Variants in PRKAR2B observed in about 807,000 individuals in gnomAD.
PRKAR2B encodes cAMP-dependent protein kinase type II-beta regulatory subunit.
Under a neutral mutation model 49.9 loss-of-function variants are expected in PRKAR2B, and 14 were observed. The ratio of observed to expected loss-of-function variants is 0.28; its 90% CI spans 0.19 to 0.44. The LOEUF is 0.44. PRKAR2B is among the 20% of genes least tolerant of loss of function. The pLI, the probability that PRKAR2B is intolerant of heterozygous loss-of-function variation, is 1.00. For synonymous variants in PRKAR2B, 196 were observed against 197.7 expected, an observed-to-expected ratio of 0.99 and a Z score of 0.07; for missense variants, 393 against 537.9, an observed-to-expected ratio of 0.73 and a Z score of 2.67.
At chr7:107,098,674 G>C (rs1794899141) in intron 2 of PRKAR2B, among the ~76,000 whole-genome samples, 1 of 152,124 alleles carries the variant, frequency 6.6e-6, no homozygotes, top group African/African-American at 2.4e-5. Context: ...TTTGATGATG[G>C]TGACGTACAA....
At chr7:107,074,309 G>A (rs987144151) in intron 2 of PRKAR2B, among the ~76,000 whole-genome samples, 1 of 151,532 alleles carries the variant, frequency 6.6e-6, no homozygotes, top group Non-Finnish European at 1.5e-5. Context: ...TCACCATGTT[G>A]GCCAGGCTGG....
chr7:107,150,785 T>C, intron 6 of PRKAR2B, 137 bp from the exon 7 acceptor site: 2 of 534,308 alleles, frequency 3.7e-6, no homozygotes, highest in South Asian at 2.7e-5. Context: ...AAATATGAAA[T>C]GAGTTGCATT....
At position 107,045,213 on chromosome 7, in the gene PRKAR2B, T is replaced by G. The variant is rs1219279254; in HGVS notation, c.306T>G (p.Asn102Lys). 4.1e-6 allele frequency: 6 copies of G among 1,449,008 alleles called. No homozygotes were observed. The highest frequency in any genetic ancestry group is 2.9e-5 in the African/African-American group (2 of 69,220). 89.8% of individuals were successfully genotyped at this position (1,449,008 alleles called of 1,614,324 possible). The change falls in exon 1 of 11, where the codon AAT (asparagine) becomes AAG (lysine). Residue 102 changes from asparagine (N) to lysine (K), a missense_variant and splice_region_variant. Coordinates refer to ENST00000265717, the MANE Select transcript of PRKAR2B (RefSeq NM_002736.3). ...CGCCCGCGGACGCAGGGGCGTTCAATGGTGAGGACCAGACCCCCCACTTCG... is the reference window on the plus strand; with the variant it reads ...CGCCCGCGGACGCAGGGGCGTTCAAGGGTGAGGACCAGACCCCCCACTTCG... ...EAAPADAGAF[N>K]APVINRFTRR...
chr7:107,074,260 T>A (rs565938707), intron 2 of PRKAR2B, among the ~76,000 whole-genome samples: 1 of 151,738 alleles, frequency 6.6e-6, no homozygotes, highest in South Asian at 2.1e-4. Flanking sequence ...TACGCCACCA[T>A]GCCTGGCTAA....
intron 2 of PRKAR2B, among the ~76,000 whole-genome samples, chr7:107,097,731 C>T (rs1318652415): frequency 6.6e-6 from 1 of 152,070 alleles, no homozygotes; most frequent in Non-Finnish European, 1.5e-5. Context: ...TCAGCATTTG[C>T]TTGTCTGTAA....
At chr7:107,128,404 G>T in intron 4 of PRKAR2B, 109 bp downstream of exon 4, 2 of 717,092 alleles carry the variant, frequency 2.8e-6, no homozygotes, top group East Asian at 5.4e-5. Context: ...GATCACCCTG[G>T]GGTGATGGTA....
chr7:107,060,245 G>A (rs1442208609), intron 1 of PRKAR2B, among the ~76,000 whole-genome samples: 2 of 152,152 alleles, frequency 1.3e-5, no homozygotes, highest in African/African-American at 2.4e-5. Flanking sequence ...TATAGGGTAT[G>A]TACCTAAGTG....
intron 2 of PRKAR2B, among the ~76,000 whole-genome samples, chr7:107,114,186 C>A (rs1379372298): frequency 6.6e-6 from 1 of 151,948 alleles, no homozygotes; most frequent in African/African-American, 2.4e-5. Context: ...CTCTTTGGAA[C>A]CCAAGAGTAG....
chr7:107,146,221 T>A, intron 5 of PRKAR2B, 87 bp from the exon 6 acceptor site: 1 of 1,372,718 alleles, frequency 7.3e-7, no homozygotes, highest in East Asian at 2.5e-5. Context: ...AATAAGATTT[T>A]TATTTCACAG....
At chr7:107,066,437 C>G (rs912090732) in intron 1 of PRKAR2B, among the ~76,000 whole-genome samples, 1 of 151,908 alleles carries the variant, frequency 6.6e-6, no homozygotes, top group Non-Finnish European at 1.5e-5. Flanking sequence ...CATCTGTTAA[C>G]ATTTTTTGGG....
rs1412824572 is a variant in PRKAR2B, at chr7:107,068,944, TTTTTG to T, written c.308-1333_308-1329del. On this transcript the variant is annotated intron_variant, in intron 1 of 10. Coordinates refer to ENST00000265717, the MANE Select transcript of PRKAR2B (RefSeq NM_002736.3). ...CAGTTGTTTGAAGATGCTGATTTTTTTTTTGTTTGAGACTGAGTTTCATTGTGTCA... is the reference window on the plus strand; with the variant it reads ...CAGTTGTTTGAAGATGCTGATTTTTTTTTGAGACTGAGTTTCATTGTGTCA... The T allele has an allele frequency of 2.0e-5, 3 of 152,300 alleles. No individual in the cohort carries two copies. The East Asian group carries it at 5.8e-4, about 29-fold the overall frequency. The allele number at this position is 152,300 out of a possible 1,614,324, so 9.4% of individuals were successfully genotyped here. A position where few individuals can be genotyped will look rare whatever the true frequency, so the allele number is the denominator to read the frequency against.
chr7:107,053,567 TG>T (rs1713089713), intron 1 of PRKAR2B, among the ~76,000 whole-genome samples: 3 of 150,978 alleles, frequency 2.0e-5, no homozygotes, highest in African/African-American at 7.3e-5. Context: ...TGTGTGTGTG[TG>T]TCTTTTTTAA....
chr7:107,101,634 CT>C (rs1001754880), intron 2 of PRKAR2B, among the ~76,000 whole-genome samples: 1 of 152,136 alleles, frequency 6.6e-6, no homozygotes, highest in African/African-American at 2.4e-5. Flanking sequence ...ACCCTTCCTG[CT>C]TGTTTGTCGG....
intron 2 of PRKAR2B, among the ~76,000 whole-genome samples, chr7:107,075,946 G>A (rs1008112450): frequency 1.3e-5 from 2 of 152,108 alleles, no homozygotes; most frequent in African/African-American, 4.8e-5. Flanking sequence ...GAATTGGGGA[G>A]GGGCTAGAAA....
Position 107,086,093 on chromosome 7 carries a change from G to A in PRKAR2B, c.343+15777G>A, listed in dbSNP as rs74849628. 3.6e-3 allele frequency among the ~76,000 whole-genome samples: 546 copies of A among 152,274 alleles called. 3 individuals are homozygous for A. Among genetic ancestry groups the A allele is most frequent in the African/African-American group, 0.012 (519 of 41,572 alleles). On this transcript the variant is annotated intron_variant, in intron 2 of 10. Coordinates refer to ENST00000265717, the MANE Select transcript of PRKAR2B (RefSeq NM_002736.3). ...AATTTGCTAGCTCAGTTATATTTCAGTTGGCATTTCCTTATTTATGAGTGA... is the reference window on the plus strand; with the variant it reads ...AATTTGCTAGCTCAGTTATATTTCAATTGGCATTTCCTTATTTATGAGTGA...
chr7:107,055,519 A>G (rs971787969), intron 1 of PRKAR2B, among the ~76,000 whole-genome samples: 5 of 152,046 alleles, frequency 3.3e-5, no homozygotes, highest in African/African-American at 1.2e-4. Flanking sequence ...CTGGTGTGAG[A>G]TGGTATCTCA....
At chr7:107,075,401 ATT>A (rs773470781) in intron 2 of PRKAR2B, among the ~76,000 whole-genome samples, 10 of 137,890 alleles carry the variant, frequency 7.3e-5, no homozygotes, top group Admixed American at 7.3e-5. Context: ...ACACCTGGCA[ATT>A]TTTTTTTTTT....
chr7:107,086,844 A>G (rs1794629308), intron 2 of PRKAR2B, among the ~76,000 whole-genome samples: 3 of 152,206 alleles, frequency 2.0e-5, no homozygotes, highest in Non-Finnish European at 4.4e-5. Flanking sequence ...ATTATCTAAT[A>G]TCGAACTATC....
intron 2 of PRKAR2B, among the ~76,000 whole-genome samples, chr7:107,103,578 A>G (rs1330492180): frequency 2.6e-5 from 4 of 152,242 alleles, no homozygotes; most frequent in African/African-American, 9.6e-5. Context: ...CAGACCAGCA[A>G]ACTAACCAGA....
Sources: allele counts gnomAD v4.1 joint callset (sites outside exome capture counted in the v4.1 genomes callset), GRCh38; gene constraint gnomAD v4.1.1; transcripts MANE v1.5; gene names NCBI Gene and HGNC (gene_info 2026-07-23, HGNC 2026-07-21).